Variants in AP2B1 observed in about 807,000 individuals in gnomAD.
AP2B1 encodes the protein adaptor related protein complex 2 subunit beta 1.
In AP2B1, 23 loss-of-function variants were observed where a neutral mutation model predicts 102.0. The observed-to-expected ratio is 0.23, with a 90% CI of 0.16 to 0.32. The LOEUF is 0.32. Ranked by LOEUF, AP2B1 falls within the 10% of genes least tolerant of loss-of-function variation. The pLI, the probability that AP2B1 is intolerant of heterozygous loss-of-function variation, is 1.00. For synonymous variants in AP2B1, 381 were observed against 421.2 expected, an observed-to-expected ratio of 0.90 and a Z score of 1.17; for missense variants, 541 against 1,157.4, an observed-to-expected ratio of 0.47 and a Z score of 7.73.
chr17:35,642,000 T>G, intron 12 of AP2B1, 25 bp downstream of exon 12: 2 of 1,540,018 alleles, frequency 1.3e-6, no homozygotes, highest in Non-Finnish European at 1.8e-6. Flanking sequence ...AAAAGCAAGA[T>G]GTTGATTTGT....
At chr17:35,674,099 GTTTT>G in intron 16 of AP2B1, 73 bp from the exon 17 acceptor site, 1 of 1,421,846 alleles carries the variant, frequency 7.0e-7, no homozygotes, top group Non-Finnish European at 9.6e-7. Flanking sequence ...ATCTTAATTT[GTTTT>G]TTATTTGTTA....
intron 3 of AP2B1, among the ~76,000 whole-genome samples, chr17:35,603,406 A>G (rs769043463): frequency 1.1e-4 from 17 of 152,216 alleles, no homozygotes; most frequent in Non-Finnish European, 2.4e-4. Flanking sequence ...GACAAGCTCA[A>G]CCCTTCCAAG....
intron 20 of AP2B1, chr17:35,713,725 T>C (rs2076496630): frequency 1.3e-5 from 2 of 152,380 alleles, no homozygotes; most frequent in African/African-American, 4.8e-5. Flanking sequence ...TGCTCTTTCA[T>C]GTCTTTCTAG....
chr17:35,707,610 G>A (rs1324987105), intron 18 of AP2B1, among the ~76,000 whole-genome samples: 1 of 151,792 alleles, frequency 6.6e-6, no homozygotes, highest in South Asian at 2.1e-4. Flanking sequence ...GCGCCTCCAC[G>A]CCCAGCTAAT....
Position 35,671,779 on chromosome 17 carries a change from C to T in AP2B1, c.2057C>T (p.Ser686Leu), listed in dbSNP as rs866490869. Reference sequence around the variant, plus strand: ...GTGGGACAATCCTTCATCCCATCATCGGTGCCTGCAACCTTTGCTCCTTCA... The same window carrying T: ...GTGGGACAATCCTTCATCCCATCATTGGTGCCTGCAACCTTTGCTCCTTCA... Reference protein sequence around the residue: ...PAVGQSFIPSSVPATFAPSPT... With the variant: ...PAVGQSFIPSLVPATFAPSPT... Residue 686 changes from serine (S) to leucine (L), a missense_variant, in exon 16 of 22, where the codon TCG becomes TTG. By Grantham distance (145) the Ser-to-Leu change is moderately radical. Transcript: ENST00000610402. The T allele has an allele frequency of 1.9e-6, 3 of 1,613,552 alleles. No individual in the cohort carries two copies. Among genetic ancestry groups the T allele is most frequent in the South Asian group, 1.1e-5 (1 of 91,046 alleles).
At chr17:35,594,167 A>C in intron 2 of AP2B1, 100 bp downstream of exon 2, 1 of 692,358 alleles carries the variant, frequency 1.4e-6, no homozygotes, top group East Asian at 3.0e-5. Context: ...TCAGACATAC[A>C]TGTAGCTGAC....
chr17:35,601,410 G>A (rs570935725), intron 3 of AP2B1, among the ~76,000 whole-genome samples: 3 of 152,212 alleles, frequency 2.0e-5, no homozygotes, highest in South Asian at 4.1e-4. Flanking sequence ...GCCCACTGCA[G>A]CCTCTGCCTC....
chr17:35,716,427 G>A (rs2076552699), intron 20 of AP2B1, among the ~76,000 whole-genome samples: 1 of 152,142 alleles, frequency 6.6e-6, no homozygotes, highest in African/African-American at 2.4e-5. Flanking sequence ...CTTACCCTGA[G>A]TTGGTGACTA....
At chr17:35,610,807 C>T (rs958469908) in intron 5 of AP2B1, among the ~76,000 whole-genome samples, 17 of 151,188 alleles carry the variant, frequency 1.1e-4, no homozygotes, top group Admixed American at 2.6e-4. Context: ...CTCAGGAGGC[C>T]GAGGCAGGAG....
chr17:35,666,314 C>A (rs544079656), intron 14 of AP2B1, among the ~76,000 whole-genome samples: 1 of 152,268 alleles, frequency 6.6e-6, no homozygotes, highest in African/African-American at 2.4e-5. Flanking sequence ...AAGTTCCACT[C>A]AGCATTACTT....
At chr17:35,669,031 G>A (rs1052101297) in intron 14 of AP2B1, among the ~76,000 whole-genome samples, 3 of 152,080 alleles carry the variant, frequency 2.0e-5, no homozygotes, top group Non-Finnish European at 4.4e-5. Context: ...AATTTCAGAC[G>A]TCATGCTGCA....
intron 12 of AP2B1, among the ~76,000 whole-genome samples, chr17:35,650,258 T>G (rs926023335): frequency 1.3e-5 from 2 of 151,994 alleles, no homozygotes; most frequent in African/African-American, 4.8e-5. Context: ...CTGGCCCTGA[T>G]GATTTTTTAT....
intron 3 of AP2B1, among the ~76,000 whole-genome samples, chr17:35,605,253 C>CT (rs145735360): frequency 0.11 from 16,744 of 148,184 alleles, 1,044 homozygotes; most frequent in Middle Eastern, 0.16. Context: ...TTTTTTTTTC[C>CT]TTTTTTTTTT....
At chr17:35,671,947 C>T in intron 16 of AP2B1, 47 bp downstream of exon 16, 2 of 1,588,750 alleles carry the variant, frequency 1.3e-6, no homozygotes, top group Non-Finnish European at 1.7e-6. Flanking sequence ...GGACAGGACC[C>T]AAACTGTTTC....
chr17:35,657,873 G>A, intron 14 of AP2B1, 82 bp downstream of exon 14: 1 of 1,295,310 alleles, frequency 7.7e-7, no homozygotes, highest in Non-Finnish European at 1.1e-6. Context: ...CAGCTTTTTA[G>A]AACTAGACCT....
intron 3 of AP2B1, among the ~76,000 whole-genome samples, chr17:35,604,572 A>T (rs2142376299): frequency 6.6e-6 from 1 of 151,880 alleles, no homozygotes; most frequent in East Asian, 1.9e-4. Context: ...AGCCTGGCTA[A>T]CATGGTGAAA....
intron 21 of AP2B1, among the ~76,000 whole-genome samples, chr17:35,720,583 T>A (rs868987134): frequency 0.027 from 2,596 of 95,536 alleles, 16 homozygotes; most frequent in Non-Finnish European, 0.041. Context: ...ATTTTTTTTT[T>A]TTTTTTTTTT....
At chr17:35,599,149 T>C (rs1381767687) in intron 3 of AP2B1, among the ~76,000 whole-genome samples, 1 of 152,254 alleles carries the variant, frequency 6.6e-6, no homozygotes, top group East Asian at 1.9e-4. Context: ...TTTGATGAAA[T>C]AGGGATTACC....
chr17:35,614,954 G>T (rs1174856121), intron 5 of AP2B1, among the ~76,000 whole-genome samples: 1 of 152,168 alleles, frequency 6.6e-6, no homozygotes, highest in Non-Finnish European at 1.5e-5. Flanking sequence ...AGGACATTTG[G>T]CAATGTCTAG....
Sources: gnomAD v4.1 joint callset for allele counts (sites outside exome capture counted in the v4.1 genomes callset) on GRCh38, gnomAD v4.1.1 for gene constraint, MANE v1.5 for transcripts, NCBI Gene and HGNC (gene_info 2026-07-23, HGNC 2026-07-21) for gene names.